The following LARGE1 variants were observed in gnomAD, a reference collection of about 807,000 sequenced individuals.
LARGE1 encodes xylosyl- and glucuronyltransferase LARGE1.
In LARGE1, 43 loss-of-function variants were observed where a neutral mutation model predicts 87.6. That is an observed-to-expected ratio of 0.49 (90% CI 0.38 to 0.63). The LOEUF is 0.63. Among genes scored for constraint, LARGE1 ranks in the 30% least tolerant of loss-of-function variants. LARGE1 has a pLI of 0.00. For missense variants in LARGE1, 802 were observed against 1,000.2 expected (o/e 0.80, Z 2.67); for synonymous variants, 434 against 394.6 (o/e 1.10, Z -1.18).
the LARGE1 span, among the ~76,000 whole-genome samples, chr22:33,118,369 G>A: frequency 6.6e-6 from 1 of 150,490 alleles, no homozygotes; most frequent in Non-Finnish European, 1.5e-5. Context: ...GAATGCACCT[G>A]CAGACCCAGC....
At chr22:33,675,575 AG>A (rs1483372632) in intron 2 of LARGE1, among the ~76,000 whole-genome samples, 1 of 152,172 alleles carries the variant, frequency 6.6e-6, no homozygotes, top group Non-Finnish European at 1.5e-5. Flanking sequence ...TGGGTGAAAC[AG>A]GGTGAACAAG....
At chr22:33,914,619 G>T (rs982742315) in intron 1 of LARGE1, among the ~76,000 whole-genome samples, 1 of 152,166 alleles carries the variant, frequency 6.6e-6, no homozygotes, top group Non-Finnish European at 1.5e-5. Context: ...CAAAGACTTT[G>T]TGATTCTTTT....
intron 7 of LARGE1, among the ~76,000 whole-genome samples, chr22:33,384,897 A>G (rs1004933604): frequency 2.0e-5 from 3 of 148,866 alleles, no homozygotes; most frequent in Non-Finnish European, 3.0e-5. Context: ...TTGAGCTGAT[A>G]GGTGGAATTT....
At chr22:33,513,629 A>C (rs2071155078) in intron 6 of LARGE1, among the ~76,000 whole-genome samples, 1 of 152,218 alleles carries the variant, frequency 6.6e-6, no homozygotes, top group South Asian at 2.1e-4. Context: ...GAGGAAATTA[A>C]GTAAAATCTG....
intron 1 of LARGE1, among the ~76,000 whole-genome samples, chr22:33,816,751 TACAG>T (rs1292364935): frequency 6.6e-6 from 1 of 151,290 alleles, no homozygotes; most frequent in Non-Finnish European, 1.5e-5. Flanking sequence ...GAAAGACAGA[TACAG>T]ACAGACAATG....
intron 6 of LARGE1, among the ~76,000 whole-genome samples, chr22:33,538,480 A>C (rs187991816): frequency 2.0e-5 from 3 of 152,346 alleles, no homozygotes; most frequent in African/African-American, 7.2e-5. Context: ...TTAAAAAATG[A>C]ATAGCATTAC....
At chr22:33,739,135 T>C (rs183472858) in intron 2 of LARGE1, among the ~76,000 whole-genome samples, 50 of 152,172 alleles carry the variant, frequency 3.3e-4, no homozygotes, top group South Asian at 1.5e-3. Context: ...TTGTCAAGAT[T>C]AAAAGAGATA....
chr22:33,206,536 C>T (rs1052814369), intron 11 of LARGE1, among the ~76,000 whole-genome samples: 9 of 152,140 alleles, frequency 5.9e-5, no homozygotes, highest in Admixed American at 1.3e-4. Context: ...AGTCACAAGT[C>T]GTTTGGGACA....
intron 7 of LARGE1, among the ~76,000 whole-genome samples, chr22:33,426,347 T>C (rs958995463): frequency 1.3e-5 from 2 of 152,176 alleles, no homozygotes; most frequent in African/African-American, 4.8e-5. Context: ...AATGAATAAA[T>C]TGTATTTAAA....
chr22:33,724,719 C>CCATT (rs143949265), intron 2 of LARGE1: 1 of 152,228 alleles, frequency 6.6e-6, no homozygotes, highest in Non-Finnish European at 1.5e-5. Flanking sequence ...ATTTATTCAT[C>CCATT]CATTCATTCA....
intron 6 of LARGE1, among the ~76,000 whole-genome samples, chr22:33,461,896 G>A (rs1236672942): frequency 6.6e-6 from 1 of 152,092 alleles, no homozygotes; most frequent in Non-Finnish European, 1.5e-5. Context: ...CTACTTGAAT[G>A]AGTCACCTTA....
intron 7 of LARGE1, among the ~76,000 whole-genome samples, chr22:33,421,097 G>A (rs565396714): frequency 1.4e-4 from 21 of 152,280 alleles, no homozygotes; most frequent in Non-Finnish European, 2.5e-4. Flanking sequence ...GCTGAGGTAG[G>A]AAAGTTGCTT....
At chr22:33,260,216 C>T (rs7285013) in intron 11 of LARGE1, among the ~76,000 whole-genome samples, 29,195 of 152,108 alleles carry the variant, frequency 0.19, 3,074 homozygotes, top group African/African-American at 0.28. Flanking sequence ...CCCACCCTGG[C>T]GCTTCCCCTG....
At chr22:33,377,157 T>C (rs1488793008) in intron 9 of LARGE1, among the ~76,000 whole-genome samples, 1 of 152,140 alleles carries the variant, frequency 6.6e-6, no homozygotes, top group African/African-American at 2.4e-5. Context: ...CCCTGACAAA[T>C]AGAACCAGGA....
intron 2 of LARGE1, among the ~76,000 whole-genome samples, chr22:33,757,060 C>A (rs493192): frequency 6.6e-6 from 1 of 152,058 alleles, no homozygotes; most frequent in South Asian, 2.1e-4. Flanking sequence ...AAGGGGTTAA[C>A]GCACTAACAA....
chr22:33,871,982 C>CAAAAAAAAAAAA (rs58105742), intron 1 of LARGE1, among the ~76,000 whole-genome samples: 52 of 86,712 alleles, frequency 6.0e-4, no homozygotes, highest in Non-Finnish European at 7.6e-4. Context: ...TCTAAATCAG[C>CAAAAAAAAAAAA]AAAAAAAAAA....
rs537990440 is a variant in LARGE1 at position 33,190,693 on chromosome 22, G to A, written c.1731-23861C>T. 1.1e-4 allele frequency among the ~76,000 whole-genome samples: 16 copies of A among 152,130 alleles called. No homozygotes were observed. The South Asian group carries it at 3.3e-3, about 32-fold the overall frequency. ...TCACCACAAATGCAGATCTTGGTGG[G>A]GATGAACGTTTTTCAATATCTCCTT... On this transcript the variant is annotated intron_variant, in intron 11 of 11. Coordinates refer to the LARGE1 transcript ENST00000608642.
chr22:33,571,355 C>A (rs2078198730), intron 5 of LARGE1, among the ~76,000 whole-genome samples: 1 of 152,134 alleles, frequency 6.6e-6, no homozygotes, highest in Non-Finnish European at 1.5e-5. Flanking sequence ...TAGGGTATAT[C>A]TGATGCCAGG....
At chr22:33,069,777 T>C in the LARGE1 span, among the ~76,000 whole-genome samples, 2 of 152,050 alleles carry the variant, frequency 1.3e-5, no homozygotes, top group African/African-American at 4.8e-5. Context: ...AATAGGTAAA[T>C]GTCTCTCTGC....
Sources: allele counts gnomAD v4.1 joint callset (sites outside exome capture counted in the v4.1 genomes callset), GRCh38; gene constraint gnomAD v4.1.1; transcripts MANE v1.5; gene names NCBI Gene and HGNC (gene_info 2026-07-23, HGNC 2026-07-21).